Variants in KCNQ3 observed in about 807,000 individuals in gnomAD.
KCNQ3 encodes potassium voltage-gated channel subfamily KQT member 3.
Under a neutral mutation model 92.5 loss-of-function variants are expected in KCNQ3, and 30 were observed. The observed-to-expected ratio is 0.32, with a 90% CI of 0.24 to 0.44. The LOEUF is 0.44. Among genes scored for constraint, KCNQ3 ranks in the 20% least tolerant of loss-of-function variants. The probability of loss-of-function intolerance (pLI) is 1.00; values close to 1 mark genes in which losing one functional copy is unlikely to be tolerated. For synonymous variants in KCNQ3, 450 were observed against 468.8 expected (o/e 0.96, Z 0.52); for missense variants, 913 against 1,140.3 (o/e 0.80, Z 2.87).
intron 10 of KCNQ3, 54 bp downstream of exon 10, chr8:132,141,075 G>T: frequency 1.3e-6 from 2 of 1,515,916 alleles, no homozygotes; most frequent in South Asian, 1.1e-5. Flanking sequence ...GAAGGAAGTG[G>T]ACTTGGGGGA....
chr8:132,250,071 C>G (rs1586865202), intron 1 of KCNQ3, among the ~76,000 whole-genome samples: 1 of 152,318 alleles, frequency 6.6e-6, no homozygotes, highest in East Asian at 1.9e-4. Flanking sequence ...AGGGAGCCGG[C>G]TCCAGCCTCA....
At chr8:132,400,941 C>T (rs1382014319) in intron 1 of KCNQ3, among the ~76,000 whole-genome samples, 1 of 152,224 alleles carries the variant, frequency 6.6e-6, no homozygotes, top group African/African-American at 2.4e-5. Context: ...AGGCCCCTGA[C>T]ATGATCTCAG....
intron 1 of KCNQ3, among the ~76,000 whole-genome samples, chr8:132,315,513 T>C (rs963227998): frequency 6.6e-6 from 1 of 152,106 alleles, no homozygotes; most frequent in African/African-American, 2.4e-5. Context: ...GTGTAAAAGC[T>C]CATACTCCCA....
rs1172039592 is a variant in KCNQ3, at chr8:132,175,498, C to T, written c.888G>A (p.Met296Ile). ...VPEVDAQGEE[M>I]KEEFETYADA... is the part of the protein sequence containing the mutation. The stretch of plus-strand genomic sequence containing the variant: ...CTGCATAGGTCTCAAACTCCTCTTT[C>T]ATCTCCTCTCCTTGTGCATCCACCT... Residue 296 changes from methionine (M) to isoleucine (I), a missense_variant, in exon 5 of 15, where the codon ATG (methionine) becomes ATA (isoleucine). Physicochemically the swap from Met to Ile is conservative, Grantham distance 10. Around this residue, in one of 6 missense-constraint regions of KCNQ3, gnomAD observed 21 missense variants for 16.3 expected, o/e 1.29. Coordinates refer to ENST00000388996, the MANE Select transcript of KCNQ3 (RefSeq NM_004519.4). 1 of 1,614,218 alleles carries T rather than the reference C, an allele frequency of 6.2e-7. No homozygotes were observed. Among genetic ancestry groups the T allele is most frequent in the Non-Finnish European group, 8.5e-7 (1 of 1,180,034 alleles).
intron 1 of KCNQ3, among the ~76,000 whole-genome samples, chr8:132,379,729 A>T (rs923512542): frequency 1.3e-5 from 2 of 152,152 alleles, no homozygotes; most frequent in Non-Finnish European, 2.9e-5. Flanking sequence ...TCCCTTTCTC[A>T]GGGCAGACAG....
At chr8:132,365,102 G>C (rs1490319666) in intron 1 of KCNQ3, among the ~76,000 whole-genome samples, 1 of 152,178 alleles carries the variant, frequency 6.6e-6, no homozygotes, top group Non-Finnish European at 1.5e-5. Flanking sequence ...GCTGTTGTTT[G>C]TTTATTCAAT....
intron 1 of KCNQ3, among the ~76,000 whole-genome samples, chr8:132,477,148 G>C (rs1042165228): frequency 4.6e-5 from 7 of 152,072 alleles, no homozygotes; most frequent in Non-Finnish European, 8.8e-5. Flanking sequence ...CAGCCACGCA[G>C]AACTGTGAAA....
chr8:132,187,831 AT>A (rs1827032885), intron 1 of KCNQ3, among the ~76,000 whole-genome samples: 3 of 85,676 alleles, frequency 3.5e-5, no homozygotes, highest in African/African-American at 1.1e-4. Flanking sequence ...GGTGGTGGTG[AT>A]TGTGGTGGTG....
chr8:132,453,381 CAGAAG>C (rs1168338313), intron 1 of KCNQ3, among the ~76,000 whole-genome samples: 2 of 152,184 alleles, frequency 1.3e-5, no homozygotes, highest in Non-Finnish European at 2.9e-5. Flanking sequence ...GAGCAGAAGA[CAGAAG>C]AGAAGTCAGG....
intron 1 of KCNQ3, among the ~76,000 whole-genome samples, chr8:132,210,148 C>A (rs1219376312): frequency 1.3e-5 from 2 of 152,194 alleles, no homozygotes; most frequent in Non-Finnish European, 2.9e-5. Context: ...ATCCACACAT[C>A]TTCTAATGTA....
At chr8:132,132,120 AT>A in intron 14 of KCNQ3, 59 bp downstream of exon 14, 1 of 1,103,622 alleles carries the variant, frequency 9.1e-7, no homozygotes, top group South Asian at 1.3e-5. Context: ...AAAAAAAGAA[AT>A]GGCATTTGAA....
chr8:132,202,599 G>A (rs1359718232), intron 1 of KCNQ3, among the ~76,000 whole-genome samples: 2 of 152,100 alleles, frequency 1.3e-5, no homozygotes, highest in African/African-American at 4.8e-5. Context: ...CTTAGGTTCT[G>A]CCTTCCCTAA....
At chr8:132,243,639 C>A (rs1333369295) in intron 1 of KCNQ3, among the ~76,000 whole-genome samples, 1 of 152,224 alleles carries the variant, frequency 6.6e-6, no homozygotes, top group Non-Finnish European at 1.5e-5. Context: ...GTGTCAGAGA[C>A]TTGTCCTCAG....
rs1488633700 is a variant in KCNQ3, at chr8:132,374,596, T to C, written c.386+105551A>G. 5.3e-5 allele frequency among the ~76,000 whole-genome samples: 8 copies of C among 152,188 alleles called. No homozygotes were observed. In the East Asian group the frequency reaches 1.5e-3, roughly 29 times the overall value. On this transcript the variant is annotated intron_variant, in intron 1 of 14. Transcript: ENST00000388996. Reference sequence around the variant, plus strand: ...CATAAGTAAACTCGTGTTACGGGAGTTTGTTGTACAGATTATTTCATCACC... The same window carrying C: ...CATAAGTAAACTCGTGTTACGGGAGCTTGTTGTACAGATTATTTCATCACC...
intron 1 of KCNQ3, among the ~76,000 whole-genome samples, chr8:132,449,129 T>A (rs1821763609): frequency 6.6e-6 from 1 of 152,194 alleles, no homozygotes; most frequent in African/African-American, 2.4e-5. Context: ...TTTGTAGCCA[T>A]TCAGTGGGTT....
At chr8:132,198,255 C>A (rs537311652) in intron 1 of KCNQ3, among the ~76,000 whole-genome samples, 1 of 152,240 alleles carries the variant, frequency 6.6e-6, no homozygotes, top group Non-Finnish European at 1.5e-5. Context: ...TGGATGAGCC[C>A]CCAGCACTGG....
intron 1 of KCNQ3, among the ~76,000 whole-genome samples, chr8:132,412,159 G>A (rs926226035): frequency 6.6e-6 from 1 of 152,164 alleles, no homozygotes; most frequent in Non-Finnish European, 1.5e-5. Flanking sequence ...GTCCCTTGCC[G>A]ATTCCAGAAA....
intron 1 of KCNQ3, among the ~76,000 whole-genome samples, chr8:132,383,006 C>G (rs542122371): frequency 8.7e-4 from 132 of 152,306 alleles, no homozygotes; most frequent in African/African-American, 3.0e-3. Flanking sequence ...CTGGCTCCAG[C>G]CTCACAGCAT....
chr8:132,471,730 A>C (rs1276533103), intron 1 of KCNQ3, among the ~76,000 whole-genome samples: 1 of 152,210 alleles, frequency 6.6e-6, no homozygotes, highest in Non-Finnish European at 1.5e-5. Context: ...TATGCCCGTG[A>C]CCTCAAAAGC....
Sources: gnomAD v4.1 joint callset for allele counts (sites outside exome capture counted in the v4.1 genomes callset) on GRCh38, gnomAD v4.1.1 for gene constraint, gnomAD v4.1.1 regional missense constraint, MANE v1.5 for transcripts, NCBI Gene and HGNC (gene_info 2026-07-23, HGNC 2026-07-21) for gene names.